Variants in SLC28A3 observed in about 807,000 individuals in gnomAD.
SLC28A3 encodes the protein concentrative Na(+)-nucleoside cotransporter 3.
Under a neutral mutation model 84.2 loss-of-function variants are expected in SLC28A3, and 68 were observed. That is an observed-to-expected ratio of 0.81 (90% CI 0.66 to 0.99). The LOEUF (loss-of-function observed/expected upper bound fraction) is 0.99, where lower values mean the gene tolerates loss of function less well. Among genes scored for constraint, SLC28A3 ranks in the 50% least tolerant of loss-of-function variants. The probability of loss-of-function intolerance (pLI) is 0.00; values close to 1 mark genes in which losing one functional copy is unlikely to be tolerated. For missense variants in SLC28A3, 712 were observed against 841.5 expected, an observed-to-expected ratio of 0.85 and a Z score of 1.90; for synonymous variants, 267 against 303.6, an observed-to-expected ratio of 0.88 and a Z score of 1.25.
intron 1 of SLC28A3, among the ~76,000 whole-genome samples, chr9:84,337,084 G>T (rs953048848): frequency 4.6e-5 from 7 of 152,244 alleles, no homozygotes; most frequent in African/African-American, 1.7e-4. Flanking sequence ...CTTGAGGCCA[G>T]GGTTTCAGAC....
the SLC28A3 span, among the ~76,000 whole-genome samples, chr9:84,365,803 T>A: frequency 6.6e-6 from 1 of 152,112 alleles, no homozygotes; most frequent in African/African-American, 2.4e-5. Context: ...GTAATCCCAG[T>A]ACTATGGGAG....
In SLC28A3 at chr9:84,280,062, G is replaced by A. The variant is rs1824684096; in HGVS notation, c.1741C>T (p.Pro581Ser). 6.2e-7 allele frequency: 1 copy of A among 1,613,784 alleles called. No homozygotes were observed. Among genetic ancestry groups the A allele is most frequent in the South Asian group, 1.1e-5 (1 of 91,064 alleles). ...IVIGGLTSMA[P>S]SRKRDIASGA... The stretch of plus-strand genomic sequence containing the variant: ...GAGGCGATATCACGCTTTCTGGAAG[G>A]AGCCATGGATGCTGGGAAACATGGA... Residue 581 changes from proline (P) to serine (S), a missense_variant, in exon 16 of 18, where the codon CCT (proline) becomes TCT (serine). Coordinates refer to ENST00000376238, the MANE Select transcript of SLC28A3 (RefSeq NM_001199633.2).
intron 3 of SLC28A3, among the ~76,000 whole-genome samples, chr9:84,307,442 A>AAAC (rs1319675620): frequency 6.6e-6 from 1 of 150,736 alleles, no homozygotes; most frequent in Admixed American, 6.7e-5. Context: ...AAAAAAAAAA[A>AAAC]AAACAAAAAC....
At chr9:84,316,773 C>T (rs112207695) in intron 1 of SLC28A3, among the ~76,000 whole-genome samples, 4,570 of 152,212 alleles carry the variant, frequency 0.03, 243 homozygotes, top group African/African-American at 0.1. Context: ...GAGGCCAAGG[C>T]GGGCGGATGA....
chr9:84,352,906 A>C, the SLC28A3 span, among the ~76,000 whole-genome samples: 6 of 151,170 alleles, frequency 4.0e-5, no homozygotes, highest in African/African-American at 9.7e-5. Flanking sequence ...AAAAAAAAAA[A>C]AAAAAAAAAC....
chr9:84,332,962 A>G (rs868015958), intron 1 of SLC28A3, among the ~76,000 whole-genome samples: 2 of 152,218 alleles, frequency 1.3e-5, no homozygotes, highest in African/African-American at 4.8e-5. Flanking sequence ...GGGCTTGTCA[A>G]TCGAGGAAAA....
chr9:84,335,651 A>G (rs2118609925), intron 1 of SLC28A3, among the ~76,000 whole-genome samples: 1 of 152,336 alleles, frequency 6.6e-6, no homozygotes, highest in African/African-American at 2.4e-5. Flanking sequence ...CTCAGCATCA[A>G]AAGCTGCTAT....
At chr9:84,287,805 G>T (rs1178625677) in intron 12 of SLC28A3, among the ~76,000 whole-genome samples, 1 of 152,072 alleles carries the variant, frequency 6.6e-6, no homozygotes, top group Non-Finnish European at 1.5e-5. Context: ...AGTGAGCTGT[G>T]TTCATACCAC....
intron 8 of SLC28A3, among the ~76,000 whole-genome samples, chr9:84,296,159 ATATGAG>A (rs1343257425): frequency 5.9e-5 from 9 of 152,194 alleles, no homozygotes; most frequent in Non-Finnish European, 1.5e-5. Flanking sequence ...TCGTTTCATG[ATATGAG>A]TATATTTCTA....
chr9:84,292,586 T>C (rs975962458), intron 10 of SLC28A3, 82 bp downstream of exon 10: 24 of 1,106,194 alleles, frequency 2.2e-5, no homozygotes, highest in Non-Finnish European at 2.8e-5. Flanking sequence ...TAAAAGAACA[T>C]TGTGTTATTT....
In SLC28A3 at chr9:84,328,108, A is replaced by T. The variant is rs911469705; in HGVS notation, c.60+12466T>A. Reference sequence around the variant, plus strand: ...CTAAGAATTAAACCAATACACTAGAAAATATCTATTTAACACAAAAGAAGG... The same window carrying T: ...CTAAGAATTAAACCAATACACTAGATAATATCTATTTAACACAAAAGAAGG... On this transcript the variant is annotated intron_variant, in intron 1 of 17. Coordinates refer to ENST00000376238, the MANE Select transcript of SLC28A3 (RefSeq NM_001199633.2). Among the ~76,000 whole-genome samples the T allele has an allele frequency of 5.9e-5, 9 of 151,396 alleles. 3 individuals are homozygous for T. In the Admixed American group the frequency reaches 5.9e-4, roughly 10 times the overall value.
At chr9:84,342,536 C>A (rs1827185078), upstream of SLC28A3, among the ~76,000 whole-genome samples, 1 of 151,934 alleles carries the variant, frequency 6.6e-6, no homozygotes, top group South Asian at 2.1e-4. Context: ...TCTCAGCCTC[C>A]CGAGTAGCTG....
chr9:84,292,463 G>GTCTCTCTC (rs539592818), intron 10 of SLC28A3: 3 of 500,300 alleles, frequency 6.0e-6, no homozygotes, highest in South Asian at 2.8e-5. Flanking sequence ...CTGTCTCTCT[G>GTCTCTCTC]TCTCTCTCTC....
rs761334565 is a variant in SLC28A3, at chr9:84,279,374, T to C, written c.1840A>G (p.Ser614Gly). ...MTACIAGILS[S>G]TPVDINCHHV... ...TGGCAGTTGATGTCCACAGGAGTGCTGGAGAGTATGCCTAGAAGTGGAACA... is the reference window on the plus strand; with the variant it reads ...TGGCAGTTGATGTCCACAGGAGTGCCGGAGAGTATGCCTAGAAGTGGAACA... Residue 614 changes from serine to glycine, a missense_variant, in exon 17 of 18, where the codon AGC becomes GGC. Coordinates refer to ENST00000376238, the MANE Select transcript of SLC28A3 (RefSeq NM_001199633.2). 2.5e-6 allele frequency: 4 copies of C among 1,589,886 alleles called. No individual in the cohort carries two copies. The East Asian group carries it at 6.8e-5, about 27-fold the overall frequency.
chr9:84,319,857 G>C (rs999294042), intron 1 of SLC28A3, among the ~76,000 whole-genome samples: 5 of 151,920 alleles, frequency 3.3e-5, no homozygotes, highest in Non-Finnish European at 5.9e-5. Context: ...GACTCTGCCA[G>C]CCATGGTGCT....
the SLC28A3 span, among the ~76,000 whole-genome samples, chr9:84,368,345 C>T: frequency 6.6e-6 from 1 of 152,164 alleles, no homozygotes; most frequent in Non-Finnish European, 1.5e-5. Flanking sequence ...CAAAGCAGAA[C>T]AATTTTTCTT....
the SLC28A3 span, among the ~76,000 whole-genome samples, chr9:84,346,898 G>A: frequency 6.6e-6 from 1 of 152,108 alleles, no homozygotes; most frequent in Non-Finnish European, 1.5e-5. Flanking sequence ...GGAAGGGCAG[G>A]GCACAGTGGT....
chr9:84,324,789 C>T (rs2118533414), intron 1 of SLC28A3, among the ~76,000 whole-genome samples: 1 of 152,272 alleles, frequency 6.6e-6, no homozygotes, highest in African/African-American at 2.4e-5. Context: ...CTTTGGTATT[C>T]TGTCAAAGTT....
At chr9:84,292,887 G>A (rs756006303) in intron 9 of SLC28A3, 139 bp from the exon 10 acceptor site, 2 of 583,412 alleles carry the variant, frequency 3.4e-6, no homozygotes, top group Non-Finnish European at 5.8e-6. Context: ...GGAGCTAAAG[G>A]TAAGTTTAAC....
Sources: allele counts gnomAD v4.1 joint callset (sites outside exome capture counted in the v4.1 genomes callset), GRCh38; gene constraint gnomAD v4.1.1; transcripts MANE v1.5; gene names NCBI Gene and HGNC (gene_info 2026-07-23, HGNC 2026-07-21).